MTERF1: variants seen among roughly 807,000 people sequenced by gnomAD.
MTERF1 encodes the protein transcription termination factor 1, mitochondrial.
In MTERF1, 29 loss-of-function variants were observed where a neutral mutation model predicts 31.6. That is an observed-to-expected ratio of 0.92 (90% CI 0.68 to 1.25). MTERF1 has a LOEUF of 1.25. MTERF1 is among the 50% of genes most tolerant of loss of function. MTERF1 has a pLI of 0.00. For missense variants in MTERF1, 500 were observed against 469.1 expected (o/e 1.07, Z -0.61); for synonymous variants, 152 against 164.1 (o/e 0.93, Z 0.57).
intron 2 of MTERF1, among the ~76,000 whole-genome samples, chr7:91,878,967 AC>A (rs1789425695): frequency 9.9e-5 from 15 of 152,006 alleles, no homozygotes; most frequent in Admixed American, 9.2e-4. Context: ...ACATGACGAA[AC>A]CCCATCTCTA....
At chr7:91,876,606 T>C (rs1257338913) in intron 2 of MTERF1, among the ~76,000 whole-genome samples, 1 of 152,250 alleles carries the variant, frequency 6.6e-6, no homozygotes, top group East Asian at 1.9e-4. Context: ...GGAACATTCC[T>C]GTGGCTCACA....
chr7:91,871,045 A>ATT lies in MTERF1; in HGVS notation c.*2548_*2549insAA, dbSNP rs1313252864. 1 of 150,892 alleles carries ATT rather than the reference A, an allele frequency of 6.6e-6. No homozygotes were observed. Among genetic ancestry groups the ATT allele is most frequent in the Non-Finnish European group, 1.5e-5 (1 of 68,022 alleles). The allele number at this position is 150,892 out of a possible 1,614,324, so 9.3% of individuals were successfully genotyped here. A position where few individuals can be genotyped will look rare whatever the true frequency, so the allele number is the denominator to read the frequency against. On this transcript the variant is annotated 3_prime_UTR_variant, in exon 3 of 3. Transcript: ENST00000351870. Reference sequence around the variant, plus strand: ...CTCGGCCTCCCAAATTGCTGGGATTACAGGCGTGAGCTGGGATTACATGGC... The same window carrying ATT: ...CTCGGCCTCCCAAATTGCTGGGATTATTCAGGCGTGAGCTGGGATTACATGGC...
chr7:91,873,724 C>T lies in MTERF1; in HGVS notation c.1070G>A (p.Ser357Asn). 1.9e-6 allele frequency: 3 copies of T among 1,614,080 alleles called. No individual in the cohort carries two copies. Among genetic ancestry groups the T allele is most frequent in the Non-Finnish European group, 2.5e-6 (3 of 1,179,992 alleles). ...TTCTTTGATTCGACTTTTTAAAGTA[C>T]TTATGCTTGAATCCAGAACCCGAGG... is the stretch of plus-strand genomic sequence containing the variant. ...ENPRVLDSSI[S>N]TLKSRIKELV... The change falls in exon 3 of 3, where the codon AGT (serine) becomes AAT (asparagine). Residue 357 changes from serine to asparagine, a missense_variant. Physicochemically the swap from Ser to Asn is conservative, Grantham distance 46. Transcript: ENST00000351870.
At chr7:91,875,288 C>G (rs974596571) in intron 2 of MTERF1, among the ~76,000 whole-genome samples, 1 of 152,002 alleles carries the variant, frequency 6.6e-6, no homozygotes, top group African/African-American at 2.4e-5. Flanking sequence ...CTCACTCTGT[C>G]ACCCAGGCTT....
intron 2 of MTERF1, among the ~76,000 whole-genome samples, chr7:91,876,426 T>C (rs1789349008): frequency 6.6e-6 from 1 of 152,242 alleles, no homozygotes; most frequent in African/African-American, 2.4e-5. Flanking sequence ...TTTTTTCTCC[T>C]TCTCCTAATT....
Position 91,873,850 on chromosome 7 carries a change from A to C in MTERF1, c.944T>G (p.Leu315Ter). ...CTEEEVQKFV[L>*]SYPDVIFLAE... ...CAAGAAGATCACATCTGGATAGCTT[A>C]AGACAAACTTCTGTACCTCTTCTTC... Residue 315 changes from leucine (L) to a stop codon, truncating the protein, a stop_gained, in exon 3 of 3, where the codon TTA becomes TGA. Coordinates refer to ENST00000351870, the MANE Select transcript of MTERF1 (RefSeq NM_006980.5). LOFTEE classifies it high-confidence loss of function. The C allele has an allele frequency of 6.2e-7, 1 of 1,614,154 alleles. No individual in the cohort carries two copies. Among genetic ancestry groups the C allele is most frequent in the Non-Finnish European group, 8.5e-7 (1 of 1,180,036 alleles).
At chr7:91,880,255 G>C in intron 1 of MTERF1, 142 bp from the exon 2 acceptor site, 4 of 640,792 alleles carry the variant, frequency 6.2e-6, no homozygotes, top group East Asian at 2.8e-5. Context: ...ACATTTCTCA[G>C]ACATACAGAA....
At chr7:91,876,258 CTGA>C (rs2130314017) in intron 2 of MTERF1, among the ~76,000 whole-genome samples, 1 of 152,310 alleles carries the variant, frequency 6.6e-6, no homozygotes, top group South Asian at 2.1e-4. Context: ...TTCAACCTAT[CTGA>C]TGATTTGTTT....
intron 2 of MTERF1, among the ~76,000 whole-genome samples, chr7:91,875,406 C>T (rs900218502): frequency 3.3e-5 from 5 of 152,068 alleles, no homozygotes; most frequent in African/African-American, 4.8e-5. Context: ...ATGCCCCACA[C>T]GCCCAGCTGA....
chr7:91,875,539 GC>G (rs1473893802), intron 2 of MTERF1, among the ~76,000 whole-genome samples: 2 of 152,166 alleles, frequency 1.3e-5, no homozygotes, highest in African/African-American at 4.8e-5. Context: ...ACAGGTGTGA[GC>G]CACCATGCCA....
At chr7:91,878,291 C>T (rs116201648) in intron 2 of MTERF1, among the ~76,000 whole-genome samples, 2,345 of 152,126 alleles carry the variant, frequency 0.015, 73 homozygotes, top group African/African-American at 0.054. Context: ...CATGTGTGGT[C>T]TCAGCTAAAC....
Position 91,873,712 on chromosome 7 carries a change from C to T in MTERF1, c.1082G>A (p.Ser361Asn). 6.2e-7 allele frequency: 1 copy of T among 1,614,078 alleles called. No homozygotes were observed. The highest frequency in any genetic ancestry group is 8.5e-7 in the Non-Finnish European group (1 of 1,179,996). ...VLDSSISTLK[S>N]RIKELVNAGC... ...AGCATTTACCAATTCTTTGATTCGA[C>T]TTTTTAAAGTACTTATGCTTGAATC... is the stretch of plus-strand genomic sequence containing the variant. Residue 361 changes from serine to asparagine, a missense_variant, in exon 3 of 3, where the codon AGT becomes AAT. Transcript: ENST00000351870.
chr7:91,879,607 TAGTACCAAAAA>T (rs573482377), intron 2 of MTERF1, among the ~76,000 whole-genome samples: 11 of 152,160 alleles, frequency 7.2e-5, no homozygotes, highest in Non-Finnish European at 1.3e-4. Context: ...TTTCGGTTTC[TAGTACCAAAAA>T]AGTCACACTT....
At chr7:91,875,376 G>C (rs1789322455) in intron 2 of MTERF1, among the ~76,000 whole-genome samples, 1 of 151,952 alleles carries the variant, frequency 6.6e-6, no homozygotes, top group East Asian at 1.9e-4. Flanking sequence ...TCAACCACCT[G>C]AGTAGTTGGG....
chr7:91,874,575 C>A lies in MTERF1; in HGVS notation c.219G>T (p.Glu73Asp). 6.2e-7 allele frequency: 1 copy of A among 1,614,078 alleles called. No homozygotes were observed. Among genetic ancestry groups the A allele is most frequent in the South Asian group, 1.1e-5 (1 of 91,074 alleles). ...TAGTAAGTAAGTTTTTCAGTAGGTC[C>A]TCATTTTTCAAAGGCTCACTGTCTG... ...HNTDSEPLKN[E>D]DLLKNLLTMG... Residue 73 changes from glutamate to aspartate, a missense_variant, in exon 3 of 3, where the codon GAG becomes GAT. By Grantham distance (45) the Glu-to-Asp change is conservative. Transcript: ENST00000351870.
Position 91,874,283 on chromosome 7 carries a change from T to A in MTERF1, c.511A>T (p.Asn171Tyr). ...TTATTCTCTAAGTTTAGGTTGTTATTGGACCGAAAAAAGGATTCAGGAGAA... is the reference window on the plus strand; with the variant it reads ...TTATTCTCTAAGTTTAGGTTGTTATAGGACCGAAAAAAGGATTCAGGAGAA... ...ERSPESFFRS[N>Y]NNLNLENNIK... The change falls in exon 3 of 3, where the codon AAT becomes TAT. Residue 171 changes from asparagine to tyrosine, a missense_variant. Coordinates refer to ENST00000351870, the MANE Select transcript of MTERF1 (RefSeq NM_006980.5). The A allele has an allele frequency of 6.2e-7, 1 of 1,613,986 alleles. No individual in the cohort carries two copies. The highest frequency in any genetic ancestry group is 8.5e-7 in the Non-Finnish European group (1 of 1,179,972).
intron 1 of MTERF1, 32 bp downstream of exon 1, chr7:91,880,625 A>G (rs912082352): frequency 6.5e-6 from 1 of 153,752 alleles, no homozygotes; most frequent in African/African-American, 2.4e-5. Context: ...AAAAGAAAGG[A>G]AAGCACAGCC....
chr7:91,878,256 CTCTAAAAATGACA>C (rs757520798), intron 2 of MTERF1, among the ~76,000 whole-genome samples: 40 of 152,118 alleles, frequency 2.6e-4, no homozygotes, highest in East Asian at 2.5e-3. Context: ...AATAAATTTA[CTCTAAAAATGACA>C]TCTAAAAATG....
At chr7:91,876,903 C>T (rs1472803412) in intron 2 of MTERF1, 1 of 985,138 alleles carries the variant, frequency 1.0e-6, no homozygotes, top group African/African-American at 1.7e-5. Flanking sequence ...AGCCTGTTTT[C>T]TCTTCCAGAT....
Sources: allele counts gnomAD v4.1 joint callset (sites outside exome capture counted in the v4.1 genomes callset), GRCh38; gene constraint gnomAD v4.1.1; transcripts MANE v1.5; gene names NCBI Gene and HGNC (gene_info 2026-07-23, HGNC 2026-07-21).